Variants in MPP7 observed in about 807,000 individuals in gnomAD.
MPP7 encodes the protein MAGUK p55 subfamily member 7.
Under a neutral mutation model 76.5 loss-of-function variants are expected in MPP7, and 60 were observed. That is an observed-to-expected ratio of 0.78 (90% CI 0.64 to 0.97). MPP7 has a LOEUF of 0.97. Among genes scored for constraint, MPP7 ranks in the 50% least tolerant of loss-of-function variants. The probability of loss-of-function intolerance (pLI) is 0.00; values close to 1 mark genes in which losing one functional copy is unlikely to be tolerated. For synonymous variants in MPP7, 237 were observed against 244.5 expected, an observed-to-expected ratio of 0.97 and a Z score of 0.29; for missense variants, 641 against 694.0, an observed-to-expected ratio of 0.92 and a Z score of 0.86.
chr10:28,094,211 G>A (rs80209736), intron 11 of MPP7, among the ~76,000 whole-genome samples: 1,835 of 152,226 alleles, frequency 0.012, 53 homozygotes, highest in East Asian at 0.11. Context: ...TGAAGCTTCA[G>A]TGCCTTAATG....
intron 2 of MPP7, among the ~76,000 whole-genome samples, chr10:28,317,919 G>T (rs1834337499): frequency 6.6e-6 from 1 of 152,144 alleles, no homozygotes. Context: ...ACTGACATCT[G>T]CCAGGAATGT....
At chr10:28,066,455 G>A (rs1851991101) in intron 13 of MPP7, among the ~76,000 whole-genome samples, 1 of 152,154 alleles carries the variant, frequency 6.6e-6, no homozygotes, top group African/African-American at 2.4e-5. Context: ...CAGGTCCCAT[G>A]TAAAATCACT....
intron 3 of MPP7, among the ~76,000 whole-genome samples, chr10:28,153,442 C>T (rs771540385): frequency 1.3e-4 from 20 of 151,900 alleles, no homozygotes; most frequent in Non-Finnish European, 2.5e-4. Context: ...TCAGGACACG[C>T]TAAAATATAT....
chr10:28,180,448 G>A (rs555412952), intron 3 of MPP7, among the ~76,000 whole-genome samples: 1 of 152,172 alleles, frequency 6.6e-6, no homozygotes, highest in South Asian at 2.1e-4. Flanking sequence ...AAATGAATAT[G>A]AACTTTCTAC....
chr10:28,229,999 G>C (rs1392863425), intron 2 of MPP7, among the ~76,000 whole-genome samples: 1 of 152,102 alleles, frequency 6.6e-6, no homozygotes, highest in East Asian at 1.9e-4. Context: ...ATGTAAGTTG[G>C]GAACATATGA....
intron 5 of MPP7, among the ~76,000 whole-genome samples, chr10:28,138,282 T>C (rs1470071599): frequency 6.6e-6 from 1 of 152,216 alleles, no homozygotes; most frequent in Non-Finnish European, 1.5e-5. Flanking sequence ...TTTTGATTTA[T>C]TAATGACTAT....
chr10:28,058,576 GTTTTTA>G lies in MPP7; in HGVS notation c.1320_1325del (p.Lys441_Asn442del), dbSNP rs780990889. 3.1e-6 allele frequency: 5 copies of G among 1,597,418 alleles called. No homozygotes were observed. The highest frequency in any genetic ancestry group is 1.7e-5 in the Admixed American group (1 of 58,078). On this transcript the variant is annotated inframe_deletion, in exon 15 of 17. Transcript: ENST00000683449. ...AGTCTATACTTGTGCCGTAGTAGTT[GTTTTTA>G]TATTCTCCATATTCAATAAACCTGT...
intron 12 of MPP7, among the ~76,000 whole-genome samples, chr10:28,083,753 G>C (rs1325961473): frequency 6.6e-6 from 1 of 151,920 alleles, no homozygotes; most frequent in East Asian, 1.9e-4. Flanking sequence ...GGCCAGGCTG[G>C]TCTCGAACTC....
chr10:28,179,530 A>C (rs34772309), intron 3 of MPP7, among the ~76,000 whole-genome samples: 73,243 of 152,060 alleles, frequency 0.48, 20,522 homozygotes, highest in Middle Eastern at 0.72. Flanking sequence ...AATAATAATA[A>C]ATACCTCTAC....
intron 2 of MPP7, among the ~76,000 whole-genome samples, chr10:28,228,769 C>A (rs1838780899): frequency 6.6e-6 from 1 of 150,934 alleles, no homozygotes; most frequent in African/African-American, 2.4e-5. Context: ...TCAAAAAAAA[C>A]AGAAAAAAAG....
chr10:28,177,028 T>TA (rs572710425), intron 3 of MPP7, among the ~76,000 whole-genome samples: 4,345 of 136,812 alleles, frequency 0.032, 73 homozygotes, highest in South Asian at 0.067. Context: ...AAGTATAATT[T>TA]AAAAAAAAAA....
chr10:28,102,091 AATTC>A (rs1853852793), intron 11 of MPP7, among the ~76,000 whole-genome samples: 1 of 86,930 alleles, frequency 1.2e-5, no homozygotes, highest in African/African-American at 6.1e-5. Flanking sequence ...AAATTTCTGC[AATTC>A]ATGCAATTCA....
At chr10:28,059,306 A>G (rs1360437981) in intron 14 of MPP7, among the ~76,000 whole-genome samples, 1 of 152,160 alleles carries the variant, frequency 6.6e-6, no homozygotes, top group Non-Finnish European at 1.5e-5. Context: ...CTAGTGATAT[A>G]CTACATAGTT....
chr10:28,193,215 GTTT>G (rs34271924), intron 3 of MPP7, among the ~76,000 whole-genome samples: 1 of 136,702 alleles, frequency 7.3e-6, no homozygotes, highest in Non-Finnish European at 1.6e-5. Flanking sequence ...TTGGTTTTTT[GTTT>G]TTTTTTTTTT....
chr10:28,251,748 G>A (rs1303999296), intron 1 of MPP7, among the ~76,000 whole-genome samples: 5 of 151,868 alleles, frequency 3.3e-5, no homozygotes, highest in Admixed American at 3.3e-4. Flanking sequence ...CTATTCCCTG[G>A]CACCTCTTTA....
At chr10:28,174,410 C>T (rs151283338) in intron 3 of MPP7, among the ~76,000 whole-genome samples, 2,152 of 152,200 alleles carry the variant, frequency 0.014, 17 homozygotes, top group Non-Finnish European at 0.02. Context: ...ATGAAAGGAG[C>T]CTGACACCTC....
chr10:28,104,929 T>C (rs1853997604), intron 11 of MPP7, among the ~76,000 whole-genome samples: 1 of 152,024 alleles, frequency 6.6e-6, no homozygotes. Flanking sequence ...GCACATATAC[T>C]AAAACACATT....
chr10:28,054,245 C>A lies in MPP7; in HGVS notation c.1552-1G>T. On this transcript the variant is annotated splice_acceptor_variant, in intron 16 of 16. Transcript: ENST00000683449. LOFTEE classifies it high-confidence loss of function. ...TAATCATTTCTTGAAAATCTTCTTC[C>A]TACAAAAGGAAGTATTAAAAAAATA... The A allele has an allele frequency of 6.5e-7, 1 of 1,545,174 alleles. No homozygotes were observed. The highest frequency in any genetic ancestry group is 1.9e-5 in the Admixed American group (1 of 52,742).
chr10:28,317,897 G>A (rs1834337415), intron 2 of MPP7, among the ~76,000 whole-genome samples: 2 of 152,160 alleles, frequency 1.3e-5, no homozygotes, highest in African/African-American at 4.8e-5. Context: ...TTCGATTAGA[G>A]CAAGACACTT....
Sources: allele counts gnomAD v4.1 joint callset (sites outside exome capture counted in the v4.1 genomes callset), GRCh38; gene constraint gnomAD v4.1.1; transcripts MANE v1.5; gene names NCBI Gene and HGNC (gene_info 2026-07-23, HGNC 2026-07-21).